The following NRG3 variants were observed in gnomAD, a reference collection of about 807,000 sequenced individuals.
The protein encoded by NRG3 is pro-neuregulin-3, membrane-bound isoform.
A neutral mutation model predicts 66.9 loss-of-function variants in NRG3; 31 were observed. The ratio of observed to expected loss-of-function variants is 0.46; its 90% confidence interval spans 0.35 to 0.63. NRG3 has a LOEUF of 0.63. Among genes scored for constraint, NRG3 ranks in the 20% least tolerant of loss-of-function variants. The pLI is 0.00. For synonymous variants in NRG3, 393 were observed against 359.4 expected (o/e 1.09, Z -1.06); for missense variants, 910 against 878.9 (o/e 1.04, Z -0.45).
At chr10:82,716,966 T>A (rs1187371179) in intron 2 of NRG3, among the ~76,000 whole-genome samples, 2 of 152,196 alleles carry the variant, frequency 1.3e-5, no homozygotes, top group East Asian at 3.9e-4. Context: ...TGGTTTCTAT[T>A]TAATCAGTGA....
intron 1 of NRG3, among the ~76,000 whole-genome samples, chr10:82,304,673 TTG>T (rs66781057): frequency 0.11 from 17,362 of 152,094 alleles, 2,505 homozygotes; most frequent in African/African-American, 0.33. Flanking sequence ...CCCTGTTTTC[TTG>T]TTAGTTGTCA....
chr10:82,411,343 A>C (rs1271509124), intron 2 of NRG3, among the ~76,000 whole-genome samples: 1 of 152,132 alleles, frequency 6.6e-6, no homozygotes, highest in Non-Finnish European at 1.5e-5. Flanking sequence ...TTACCAAATG[A>C]CGTTTGTTTG....
intron 1 of NRG3, among the ~76,000 whole-genome samples, chr10:82,275,637 A>C (rs1254428520): frequency 6.6e-6 from 1 of 151,928 alleles, no homozygotes; most frequent in Non-Finnish European, 1.5e-5. Flanking sequence ...CCCAATTCCA[A>C]ATGATTTCCC....
intron 1 of NRG3, among the ~76,000 whole-genome samples, chr10:82,148,290 G>A (rs1186294879): frequency 6.6e-6 from 1 of 152,026 alleles, no homozygotes; most frequent in Admixed American, 6.6e-5. Flanking sequence ...TTGAGCCCAG[G>A]AGTTCAAGAC....
chr10:82,683,896 C>CA (rs1425494916), intron 2 of NRG3, among the ~76,000 whole-genome samples: 1 of 151,970 alleles, frequency 6.6e-6, no homozygotes, highest in Non-Finnish European at 1.5e-5. Flanking sequence ...TATACGCAGG[C>CA]AAAAAAATGT....
intron 2 of NRG3, among the ~76,000 whole-genome samples, chr10:82,459,627 ATCAT>A (rs2091426535): frequency 6.6e-6 from 1 of 152,206 alleles, no homozygotes; most frequent in South Asian, 2.1e-4. Flanking sequence ...ACATCTCTGC[ATCAT>A]CCTTTAAATG....
At chr10:81,958,776 C>T (rs1850079876) in intron 1 of NRG3, among the ~76,000 whole-genome samples, 1 of 151,952 alleles carries the variant, frequency 6.6e-6, no homozygotes. Context: ...GTAATCCTAG[C>T]TACTTGGGAG....
intron 2 of NRG3, among the ~76,000 whole-genome samples, chr10:82,697,486 G>C (rs2055482980): frequency 6.6e-6 from 1 of 152,146 alleles, no homozygotes; most frequent in South Asian, 2.1e-4. Context: ...TCTTCTTAGA[G>C]AGGAGAGGAT....
chr10:82,687,512 G>C (rs2054602989), intron 2 of NRG3, among the ~76,000 whole-genome samples: 1 of 152,076 alleles, frequency 6.6e-6, no homozygotes, highest in Admixed American at 6.6e-5. Context: ...AGCAGATTCT[G>C]TGATTCTGCT....
At chr10:82,206,753 G>A (rs138732978) in intron 1 of NRG3, among the ~76,000 whole-genome samples, 2 of 152,258 alleles carry the variant, frequency 1.3e-5, no homozygotes, top group East Asian at 3.9e-4. Flanking sequence ...TCTCTATTTA[G>A]TAATTCTATG....
intron 3 of NRG3, among the ~76,000 whole-genome samples, chr10:82,837,381 A>T (rs762802104): frequency 1.3e-5 from 2 of 152,126 alleles, no homozygotes; most frequent in African/African-American, 4.8e-5. Context: ...CCTCTTACCC[A>T]TTGGCTTATT....
intron 2 of NRG3, among the ~76,000 whole-genome samples, chr10:82,551,058 T>A (rs2044275203): frequency 6.6e-6 from 1 of 152,020 alleles, no homozygotes; most frequent in Non-Finnish European, 1.5e-5. Context: ...TCATTAAATA[T>A]CCAATGACAT....
chr10:82,454,913 T>C (rs374955571), intron 2 of NRG3, among the ~76,000 whole-genome samples: 3 of 152,200 alleles, frequency 2.0e-5, no homozygotes, highest in East Asian at 3.9e-4. Flanking sequence ...CGTACTCTCA[T>C]TGAGTTTTCA....
intron 2 of NRG3, among the ~76,000 whole-genome samples, chr10:82,466,765 A>G (rs189428350): frequency 3.9e-5 from 6 of 152,176 alleles, no homozygotes; most frequent in African/African-American, 7.2e-5. Flanking sequence ...CAGAGTCTAG[A>G]TCCTCAGGTT....
At chr10:81,988,681 T>C (rs2060619496) in intron 1 of NRG3, among the ~76,000 whole-genome samples, 1 of 152,068 alleles carries the variant, frequency 6.6e-6, no homozygotes, top group Non-Finnish European at 1.5e-5. Context: ...GTATTCGTGG[T>C]AGAGTCCTGT....
intron 2 of NRG3, among the ~76,000 whole-genome samples, chr10:82,710,305 G>C (rs143733353): frequency 2.0e-5 from 3 of 152,030 alleles, no homozygotes; most frequent in Non-Finnish European, 4.4e-5. Context: ...TTGATTTCTG[G>C]CTGGGCTCAG....
At chr10:82,023,169 G>C (rs2132776231) in intron 1 of NRG3, among the ~76,000 whole-genome samples, 1 of 151,870 alleles carries the variant, frequency 6.6e-6, no homozygotes, top group Admixed American at 6.6e-5. Flanking sequence ...ATTCTCTGCT[G>C]TTGGTGTATT....
At chr10:82,312,996 G>A (rs1201471708) in intron 1 of NRG3, among the ~76,000 whole-genome samples, 1 of 152,094 alleles carries the variant, frequency 6.6e-6, no homozygotes, top group African/African-American at 2.4e-5. Context: ...GGCCAACATG[G>A]TGAAACCCCT....
intron 1 of NRG3, among the ~76,000 whole-genome samples, chr10:82,040,681 TCA>T (rs1249301048): frequency 6.6e-6 from 1 of 151,968 alleles, no homozygotes; most frequent in Non-Finnish European, 1.5e-5. Flanking sequence ...TTGTCTGTTG[TCA>T]CACCCTAGGA....
Sources: gnomAD v4.1 joint callset for allele counts (sites outside exome capture counted in the v4.1 genomes callset) on GRCh38, gnomAD v4.1.1 for gene constraint, MANE v1.5 for transcripts, NCBI Gene and HGNC (gene_info 2026-07-23, HGNC 2026-07-21) for gene names.